RXYLT1: variants seen among roughly 807,000 people sequenced by gnomAD.
RXYLT1 encodes ribitol xylosyltransferase 1.
Under a neutral mutation model 43.5 loss-of-function variants are expected in RXYLT1, and 41 were observed. The ratio of observed to expected loss-of-function variants is 0.94; its 90% CI spans 0.73 to 1.22. The LOEUF (loss-of-function observed/expected upper bound fraction) is 1.22, where lower values mean the gene tolerates loss of function less well. Ranked by LOEUF, RXYLT1 falls within the 50% of genes most tolerant of loss-of-function variation. RXYLT1 has a pLI of 0.00. For synonymous variants in RXYLT1, 166 were observed against 194.4 expected (o/e 0.85, Z 1.21); for missense variants, 514 against 532.0 (o/e 0.97, Z 0.33).
intron 3 of RXYLT1, among the ~76,000 whole-genome samples, chr12:63,787,165 A>G (rs959738725): frequency 5.3e-5 from 8 of 152,084 alleles, no homozygotes; most frequent in South Asian, 2.1e-4. Flanking sequence ...TATCAACTAC[A>G]TTTTTGGAAT....
rs939578804 is a variant in RXYLT1, at chr12:63,809,141, G to A, written c.*49G>A. On this transcript the variant is annotated 3_prime_UTR_variant, in exon 6 of 6. Coordinates refer to ENST00000261234, the MANE Select transcript of RXYLT1 (RefSeq NM_014254.3). The stretch of plus-strand genomic sequence containing the variant: ...ATTTTTAAAATCATTTTGACTACTG[G>A]GTGTATAAATGTGTTTGTGTGTGTA... 1 of 1,293,598 alleles carries A rather than the reference G, an allele frequency of 7.7e-7. No homozygotes were observed. Among genetic ancestry groups the A allele is most frequent in the African/African-American group, 1.5e-5 (1 of 65,702 alleles). 80.1% of individuals were successfully genotyped at this position (1,293,598 alleles called of 1,614,324 possible). A position where few individuals can be genotyped will look rare whatever the true frequency, so the allele number is the denominator to read the frequency against.
At chr12:63,784,583 A>G (rs778305898) in intron 2 of RXYLT1, among the ~76,000 whole-genome samples, 3 of 152,200 alleles carry the variant, frequency 2.0e-5, no homozygotes, top group Non-Finnish European at 4.4e-5. Flanking sequence ...ACAAAATGGC[A>G]ACTCCCCCAA....
intron 5 of RXYLT1, chr12:63,805,791 A>T (rs1383776799): frequency 6.4e-6 from 1 of 156,582 alleles, no homozygotes; most frequent in Non-Finnish European, 1.4e-5. Flanking sequence ...AAATTCAGGA[A>T]TTCAGGAACC....
chr12:63,797,599 T>C lies in RXYLT1; in HGVS notation c.429-4492T>C, dbSNP rs79864385. 5.7e-3 allele frequency among the ~76,000 whole-genome samples: 860 copies of C among 152,200 alleles called. 9 individuals are homozygous for C. Among genetic ancestry groups the C allele is most frequent in the African/African-American group, 0.02 (818 of 41,534 alleles). ...GGTAAGGTAGCTGAGATGGGGAGGA[T>C]TGAGCAAGGGCCAGATCATGGTGGG... is the stretch of plus-strand genomic sequence containing the variant. On this transcript the variant is annotated intron_variant, in intron 3 of 5. Transcript: ENST00000261234.
At chr12:63,791,353 TAAAAC>T (rs1897916147) in intron 3 of RXYLT1, among the ~76,000 whole-genome samples, 1 of 152,230 alleles carries the variant, frequency 6.6e-6, no homozygotes, top group South Asian at 2.1e-4. Context: ...ACCCATTTGG[TAAAAC>T]AAAAGGTAGA....
At chr12:63,787,528 C>G (rs1002767652) in intron 3 of RXYLT1, among the ~76,000 whole-genome samples, 1 of 152,212 alleles carries the variant, frequency 6.6e-6, no homozygotes, top group Non-Finnish European at 1.5e-5. Context: ...AATAATGAAT[C>G]ATCTCCAGAA....
intron 2 of RXYLT1, among the ~76,000 whole-genome samples, chr12:63,783,067 T>A (rs1897720034): frequency 6.6e-6 from 1 of 152,224 alleles, no homozygotes; most frequent in African/African-American, 2.4e-5. Flanking sequence ...CAGGATACAA[T>A]CCAACTAAGC....
At chr12:63,780,307 C>T (rs1213683331) in intron 1 of RXYLT1, 178 bp downstream of exon 1, 12 of 1,347,430 alleles carry the variant, frequency 8.9e-6, no homozygotes, top group Non-Finnish European at 1.1e-5. Flanking sequence ...GAGAATGGTC[C>T]TCATTCTTAC....
chr12:63,792,985 C>T (rs1897951345), intron 3 of RXYLT1, among the ~76,000 whole-genome samples: 1 of 152,192 alleles, frequency 6.6e-6, no homozygotes, highest in Admixed American at 6.5e-5. Context: ...TAGCATACTA[C>T]AGCCTCTAAC....
intron 4 of RXYLT1, chr12:63,804,429 T>C (rs1385721251): frequency 6.6e-6 from 1 of 152,232 alleles, no homozygotes; most frequent in Non-Finnish European, 1.5e-5. Flanking sequence ...ACTTTTCCTG[T>C]ATGGCATACC....
At chr12:63,801,894 C>T (rs1898167450) in intron 3 of RXYLT1, among the ~76,000 whole-genome samples, 197 bp from the exon 4 acceptor site, 1 of 152,068 alleles carries the variant, frequency 6.6e-6, no homozygotes, top group Non-Finnish European at 1.5e-5. Flanking sequence ...TGCCTACAGC[C>T]AAAGCTTACC....
In RXYLT1 at chr12:63,798,735, G is replaced by A. The variant is rs1340726545; in HGVS notation, c.429-3356G>A. Among the ~76,000 whole-genome samples, 6 of 152,266 alleles carry A rather than the reference G, an allele frequency of 3.9e-5. No homozygotes were observed. In the South Asian group the frequency reaches 8.3e-4, roughly 21 times the overall value. ...CCATGGTTGCCGTGATAAAATGCAC[G>A]CACTGCACAAAAATGAGTGTGGAAC... On this transcript the variant is annotated intron_variant, in intron 3 of 5. Transcript: ENST00000261234.
At chr12:63,799,302 C>CTTTTTTTTTTTTTTTTTTTTT (rs11312130) in intron 3 of RXYLT1, among the ~76,000 whole-genome samples, 12 of 71,626 alleles carry the variant, frequency 1.7e-4, no homozygotes, top group Admixed American at 3.4e-4. Context: ...CTTTTCTTTT[C>CTTTTTTTTTTTTTTTTTTTTT]TTTTTTTTTT....
In RXYLT1 at chr12:63,808,830, T is replaced by G; in HGVS notation, c.1070T>G (p.Met357Arg). The G allele has an allele frequency of 1.2e-6, 2 of 1,614,182 alleles. No homozygotes were observed. The highest frequency in any genetic ancestry group is 1.7e-6 in the Non-Finnish European group (2 of 1,180,018). ...TCCATTCCTGTGGTGGAAGACGTGA[T>G]GACAGCTGGCAACTGTGGGAATACA... is the stretch of plus-strand genomic sequence containing the variant. ...YGSIPVVEDV[M>R]TAGNCGNTSV... The change falls in exon 6 of 6, where the codon ATG becomes AGG. Residue 357 changes from methionine (M) to arginine (R), a missense_variant. Met to Arg is a moderately conservative substitution (Grantham distance 91). Coordinates refer to ENST00000261234, the MANE Select transcript of RXYLT1 (RefSeq NM_014254.3).
At position 63,803,181 on chromosome 12, in the gene RXYLT1, C is replaced by CAAAA. The variant is rs763579072; in HGVS notation, c.743+803_743+806dup. On this transcript the variant is annotated intron_variant, in intron 4 of 5. Coordinates refer to ENST00000261234, the MANE Select transcript of RXYLT1 (RefSeq NM_014254.3). ...ACAGAGTGAGATGAGACTGTCTCAC[C>CAAAA]AAAAAAAAAAAAAAAAAAAAAAAAA... 3.4e-3 allele frequency among the ~76,000 whole-genome samples: 77 copies of CAAAA among 22,584 alleles called. 9 individuals are homozygous for CAAAA. The highest frequency in any genetic ancestry group is 9.0e-3 in the East Asian group (7 of 778). 14.8% of individuals were successfully genotyped at this position (22,584 alleles called of 152,430 possible). A position where few individuals can be genotyped will look rare whatever the true frequency, so the allele number is the denominator to read the frequency against.
chr12:63,788,454 A>C (rs111480532), intron 3 of RXYLT1, among the ~76,000 whole-genome samples: 6 of 152,322 alleles, frequency 3.9e-5, no homozygotes, highest in African/African-American at 1.4e-4. Flanking sequence ...CACCTTCATC[A>C]ATGATCTTAG....
rs1407024718 is a variant in RXYLT1, at chr12:63,780,104, C to T, written c.144C>T (p.Ala48=). ...GSPRGLRKGA[A]PARERRGREQ... The stretch of plus-strand genomic sequence containing the variant: ...CGCGGGGCCTCAGGAAGGGGGCGGC[C>T]CCCGCGCGGGAGAGACGCGGCCGAG... Residue 48 remains alanine (A), a synonymous_variant, in exon 1 of 6, where the codon GCC becomes GCT. Coordinates refer to ENST00000261234, the MANE Select transcript of RXYLT1 (RefSeq NM_014254.3). The T allele has an allele frequency of 3.9e-6, 6 of 1,546,114 alleles. No individual in the cohort carries two copies. In the Admixed American group the frequency reaches 7.8e-5, roughly 20 times the overall value.
chr12:63,792,311 A>G (rs1897934289), intron 3 of RXYLT1, among the ~76,000 whole-genome samples: 1 of 152,186 alleles, frequency 6.6e-6, no homozygotes, highest in Admixed American at 6.5e-5. Context: ...AAAATGCACT[A>G]TTTTGATATA....
intron 5 of RXYLT1, 35 bp from the exon 6 acceptor site, chr12:63,808,640 A>G (rs1898367138): frequency 6.3e-7 from 1 of 1,580,786 alleles, no homozygotes; most frequent in African/African-American, 1.4e-5. Flanking sequence ...ATACTTAGTA[A>G]AGTGAAAACT....
Sources: allele counts gnomAD v4.1 joint callset (sites outside exome capture counted in the v4.1 genomes callset), GRCh38; gene constraint gnomAD v4.1.1; transcripts MANE v1.5; gene names NCBI Gene and HGNC (gene_info 2026-07-23, HGNC 2026-07-21).